The following IL1RAPL2 variants were observed in gnomAD, a reference collection of about 807,000 sequenced individuals.
The protein encoded by IL1RAPL2 is X-linked interleukin-1 receptor accessory protein-like 2.
Under a neutral mutation model 44.1 loss-of-function variants are expected in IL1RAPL2, and 3 were observed. The ratio of observed to expected loss-of-function variants is 0.07; its 90% CI spans 0.03 to 0.18. The LOEUF (loss-of-function observed/expected upper bound fraction) is 0.18, where lower values mean the gene tolerates loss of function less well. IL1RAPL2 is among the 10% of genes least tolerant of loss of function. The pLI, the probability that IL1RAPL2 is intolerant of heterozygous loss-of-function variation, is 1.00. For synonymous variants in IL1RAPL2, 181 were observed against 178.8 expected (o/e 1.01, Z -0.10); for missense variants, 391 against 496.4 (o/e 0.79, Z 2.02).
chrX:104,766,368 GGCCT>G (rs3081246), intron 2 of IL1RAPL2, among the ~76,000 whole-genome samples: 19,089 of 60,155 alleles, frequency 0.32, 1,522 homozygotes, highest in Non-Finnish European at 0.36. Context: ...ATTCCTGGCT[GGCCT>G]GCCTGCCTGC....
intron 5 of IL1RAPL2, among the ~76,000 whole-genome samples, chrX:105,388,395 G>C (rs1271508274): frequency 1.5e-5 from 1 of 68,729 alleles, no homozygotes; most frequent in Admixed American, 2.2e-4. Context: ...TACTAATGAT[G>C]ATTCAACACT....
At chrX:105,619,675 G>A (rs901482334) in intron 6 of IL1RAPL2, among the ~76,000 whole-genome samples, 2 of 111,272 alleles carry the variant, frequency 1.8e-5, no homozygotes, top group African/African-American at 6.5e-5. Flanking sequence ...CCAGGAGAGA[G>A]ATGATGGACA....
intron 5 of IL1RAPL2, among the ~76,000 whole-genome samples, chrX:105,357,220 C>T (rs185827383): frequency 8.1e-5 from 9 of 111,455 alleles, no homozygotes; most frequent in African/African-American, 2.9e-4. Flanking sequence ...TCATACCACC[C>T]TCACAAGATG....
At chrX:105,716,393 T>C (rs2038257218) in intron 6 of IL1RAPL2, among the ~76,000 whole-genome samples, 1 of 112,028 alleles carries the variant, frequency 8.9e-6, no homozygotes, top group Admixed American at 9.5e-5. Context: ...GCAGCAATAG[T>C]CAGTACCTTA....
chrX:105,447,107 A>ATATAT (rs1491220948), intron 5 of IL1RAPL2, among the ~76,000 whole-genome samples: 716 of 32,678 alleles, frequency 0.022, 16 homozygotes, highest in Non-Finnish European at 0.028. Context: ...ATATATATAT[A>ATATAT]AAAATATATA....
chrX:105,227,405 A>T (rs1556190678), intron 3 of IL1RAPL2, among the ~76,000 whole-genome samples: 4 of 111,769 alleles, frequency 3.6e-5, no homozygotes, highest in African/African-American at 1.3e-4. Context: ...GTTTTATTTT[A>T]AAAAAACAAT....
chrX:104,771,108 C>G (rs1289517578), intron 2 of IL1RAPL2, among the ~76,000 whole-genome samples: 1 of 112,569 alleles, frequency 8.9e-6, no homozygotes, highest in Non-Finnish European at 1.9e-5. Flanking sequence ...CTGCTTCTTT[C>G]TACTCTGTCT....
intron 4 of IL1RAPL2, among the ~76,000 whole-genome samples, chrX:105,249,003 A>G (rs2034246556): frequency 9.0e-6 from 1 of 111,641 alleles, no homozygotes; most frequent in African/African-American, 3.2e-5. Flanking sequence ...GTATATACCC[A>G]AAAGAAAGTA....
chrX:104,717,756 C>T (rs1024403845), intron 2 of IL1RAPL2, among the ~76,000 whole-genome samples: 4 of 108,204 alleles, frequency 3.7e-5, no homozygotes, highest in Non-Finnish European at 3.9e-5. Context: ...TGCTATCTCC[C>T]CCCCCCACCC....
intron 1 of IL1RAPL2, among the ~76,000 whole-genome samples, chrX:104,594,539 T>C (rs1928727487): frequency 8.9e-6 from 1 of 111,968 alleles, no homozygotes; most frequent in African/African-American, 3.2e-5. Flanking sequence ...TAAATATTTA[T>C]TGAACATCTA....
intron 6 of IL1RAPL2, among the ~76,000 whole-genome samples, chrX:105,543,246 C>A (rs1365300000): frequency 1.8e-5 from 2 of 111,793 alleles, no homozygotes; most frequent in Non-Finnish European, 3.8e-5. Flanking sequence ...ACTACTAAAT[C>A]TTGAGTACAT....
chrX:105,480,756 A>G (rs2036228432), intron 5 of IL1RAPL2, among the ~76,000 whole-genome samples: 1 of 112,017 alleles, frequency 8.9e-6, no homozygotes, highest in African/African-American at 3.2e-5. Flanking sequence ...ATGAACAAGA[A>G]ATGAGCTTGC....
chrX:105,642,315 G>T (rs894739285), intron 6 of IL1RAPL2, among the ~76,000 whole-genome samples: 4 of 112,179 alleles, frequency 3.6e-5, no homozygotes, highest in African/African-American at 9.7e-5. Context: ...ATATACAGAT[G>T]CAAAGAATGT....
At chrX:104,807,227 T>A (rs753679813) in intron 2 of IL1RAPL2, among the ~76,000 whole-genome samples, 1 of 111,513 alleles carries the variant, frequency 9.0e-6, no homozygotes, top group South Asian at 3.8e-4. Flanking sequence ...TCCTTTCCTG[T>A]TACTTCCCGA....
At chrX:105,185,893 G>A (rs1305852489) in intron 2 of IL1RAPL2, among the ~76,000 whole-genome samples, 2 of 111,820 alleles carry the variant, frequency 1.8e-5, no homozygotes, top group Non-Finnish European at 3.8e-5. Flanking sequence ...CGCAGGATGA[G>A]AATTTATGGA....
intron 6 of IL1RAPL2, among the ~76,000 whole-genome samples, chrX:105,488,054 T>C (rs903974240): frequency 2.7e-5 from 3 of 112,065 alleles, no homozygotes; most frequent in African/African-American, 9.7e-5. Context: ...ATTATCAACT[T>C]TGGGTTTCCC....
At chrX:104,778,020 G>GT (rs201651612) in intron 2 of IL1RAPL2, among the ~76,000 whole-genome samples, 3,041 of 106,932 alleles carry the variant, frequency 0.028, 96 homozygotes, top group African/African-American at 0.095. Context: ...GCCAACACTT[G>GT]TTTTTTTTTT....
chrX:104,768,606 C>G (rs1445220195), intron 2 of IL1RAPL2, among the ~76,000 whole-genome samples: 3 of 110,961 alleles, frequency 2.7e-5, no homozygotes, highest in East Asian at 5.7e-4. Flanking sequence ...GTTGCCAAAA[C>G]AGGTGAAGAA....
chrX:104,888,760 C>T (rs746302564), intron 2 of IL1RAPL2, among the ~76,000 whole-genome samples: 7 of 109,921 alleles, frequency 6.4e-5, no homozygotes, highest in African/African-American at 1.3e-4. Context: ...TAACCTACTA[C>T]CCTAGTTATG....
Sources: allele counts gnomAD v4.1 joint callset (sites outside exome capture counted in the v4.1 genomes callset), GRCh38; gene constraint gnomAD v4.1.1; transcripts MANE v1.5; gene names NCBI Gene and HGNC (gene_info 2026-07-23, HGNC 2026-07-21).